Variants in BST1 observed in about 807,000 individuals in gnomAD.
BST1 encodes bone marrow stromal cell antigen 1.
A neutral mutation model predicts 40.6 loss-of-function variants in BST1; 49 were observed. That is an observed-to-expected ratio of 1.21 (90% CI 0.96 to 1.53). The LOEUF is 1.53. Ranked by LOEUF, BST1 falls within the 40% of genes most tolerant of loss-of-function variation. The probability of loss-of-function intolerance (pLI) is 0.00; values close to 1 mark genes in which losing one functional copy is unlikely to be tolerated. For missense variants in BST1, 423 were observed against 395.9 expected (o/e 1.07, Z -0.58); for synonymous variants, 157 against 159.3 (o/e 0.99, Z 0.11).
chr4:15,714,482 C>A (rs76419275), intron 4 of BST1, among the ~76,000 whole-genome samples: 10,113 of 152,186 alleles, frequency 0.066, 532 homozygotes, highest in East Asian at 0.2. Flanking sequence ...GCTTTGAAAG[C>A]AAATACTTCC....
the BST1 span, among the ~76,000 whole-genome samples, chr4:15,758,607 G>A: frequency 6.6e-6 from 1 of 152,160 alleles, no homozygotes; most frequent in Non-Finnish European, 1.5e-5. Context: ...GATACTGTTT[G>A]TTAACTATAT....
At chr4:15,772,527 A>G in the BST1 span, among the ~76,000 whole-genome samples, 1 of 152,234 alleles carries the variant, frequency 6.6e-6, no homozygotes, top group Non-Finnish European at 1.5e-5. Context: ...AGCCTTGTGC[A>G]AACTCCTGGT....
At chr4:15,766,924 C>T in the BST1 span, among the ~76,000 whole-genome samples, 1 of 151,700 alleles carries the variant, frequency 6.6e-6, no homozygotes, top group Non-Finnish European at 1.5e-5. Flanking sequence ...AACCAATGCC[C>T]ACACGTTGCT....
chr4:15,705,512 C>T lies in BST1; in HGVS notation c.189-3C>T. The T allele has an allele frequency of 6.4e-7, 1 of 1,565,330 alleles. No individual in the cohort carries two copies. The highest frequency in any genetic ancestry group is 8.6e-7 in the Non-Finnish European group (1 of 1,159,526). ...GTTCTTCCCAACTTGTACTTTTGCA[C>T]AGGAACAAGAACTGCACAGCCATCT... On this transcript the variant is annotated splice_region_variant and splice_polypyrimidine_tract_variant and intron_variant, in intron 1 of 8. Coordinates refer to ENST00000265016, the MANE Select transcript of BST1 (RefSeq NM_004334.3).
chr4:15,760,566 A>G, the BST1 span, among the ~76,000 whole-genome samples: 1 of 151,956 alleles, frequency 6.6e-6, no homozygotes, highest in African/African-American at 2.4e-5. Flanking sequence ...CAGTGCTGAC[A>G]TATGGTAAAC....
At chr4:15,748,885 C>A in the BST1 span, among the ~76,000 whole-genome samples, 1 of 152,202 alleles carries the variant, frequency 6.6e-6, no homozygotes, top group South Asian at 2.1e-4. Context: ...ATCTCTTTCT[C>A]TTTCTTCCAT....
the BST1 span, among the ~76,000 whole-genome samples, chr4:15,768,973 T>G: frequency 6.6e-6 from 1 of 152,158 alleles, no homozygotes; most frequent in Non-Finnish European, 1.5e-5. Context: ...TTTTCACATT[T>G]ACAATATGAA....
chr4:15,741,845 A>G (rs1194595121), downstream of BST1, among the ~76,000 whole-genome samples: 1 of 152,200 alleles, frequency 6.6e-6, no homozygotes, highest in Non-Finnish European at 1.5e-5. Flanking sequence ...CACCTTTTAC[A>G]GTAAATGTTC....
chr4:15,763,883 A>G, the BST1 span, among the ~76,000 whole-genome samples: 2 of 152,078 alleles, frequency 1.3e-5, no homozygotes, highest in African/African-American at 4.8e-5. Context: ...CTGCAGTGAT[A>G]ATAAACAAAC....
chr4:15,751,634 G>A, the BST1 span, among the ~76,000 whole-genome samples: 4 of 151,454 alleles, frequency 2.6e-5, no homozygotes, highest in Non-Finnish European at 5.9e-5. Flanking sequence ...AGATATATGT[G>A]TATACACTAT....
chr4:15,733,291 C>G (rs995348775), downstream of BST1, among the ~76,000 whole-genome samples: 1 of 152,122 alleles, frequency 6.6e-6, no homozygotes, highest in South Asian at 2.1e-4. Context: ...TATCCTTTAG[C>G]CGGACACAGA....
chr4:15,707,181 T>A (rs957066723), intron 2 of BST1, among the ~76,000 whole-genome samples: 1 of 152,204 alleles, frequency 6.6e-6, no homozygotes, highest in Admixed American at 6.5e-5. Flanking sequence ...TGCTCAAGAT[T>A]ACATATCTAA....
chr4:15,706,486 A>G (rs1316494863), intron 2 of BST1, among the ~76,000 whole-genome samples: 2 of 152,216 alleles, frequency 1.3e-5, no homozygotes, highest in East Asian at 3.9e-4. Flanking sequence ...CCACATATCT[A>G]TATTCTGTAT....
chr4:15,742,347 TA>T (rs1721767941), downstream of BST1, among the ~76,000 whole-genome samples: 3 of 152,108 alleles, frequency 2.0e-5, no homozygotes, highest in Admixed American at 6.5e-5. Flanking sequence ...AGCTGGCTGT[TA>T]AAAAGAGCCT....
intron 1 of BST1, among the ~76,000 whole-genome samples, chr4:15,704,049 G>C (rs1011609218): frequency 6.8e-6 from 1 of 147,046 alleles, no homozygotes; most frequent in Non-Finnish European, 1.5e-5. Flanking sequence ...AGGTGTGTGT[G>C]TATCTGTGTT....
intron 8 of BST1, chr4:15,723,527 CGT>C (rs1438984740): frequency 1.0e-6 from 1 of 984,384 alleles, no homozygotes; most frequent in Admixed American, 6.2e-5. Flanking sequence ...GGATTACAGG[CGT>C]AAGCCACCAC....
downstream of BST1, among the ~76,000 whole-genome samples, chr4:15,739,745 G>C (rs1394001370): frequency 6.6e-6 from 1 of 152,008 alleles, no homozygotes; most frequent in Non-Finnish European, 1.5e-5. Context: ...AGCTCTCAGG[G>C]GAACACATTA....
chr4:15,760,846 G>A, the BST1 span, among the ~76,000 whole-genome samples: 2 of 149,664 alleles, frequency 1.3e-5, no homozygotes, highest in Non-Finnish European at 3.0e-5. Flanking sequence ...GCACCACCAC[G>A]CCTAGCTTTT....
chr4:15,729,176 G>A (rs1484297798), intron 8 of BST1, among the ~76,000 whole-genome samples: 2 of 152,098 alleles, frequency 1.3e-5, no homozygotes, highest in East Asian at 3.8e-4. Context: ...CTGAAGCCTT[G>A]CCCAGTGGCT....
Sources: gnomAD v4.1 joint callset for allele counts (sites outside exome capture counted in the v4.1 genomes callset) on GRCh38, gnomAD v4.1.1 for gene constraint, MANE v1.5 for transcripts, NCBI Gene and HGNC (gene_info 2026-07-23, HGNC 2026-07-21) for gene names.